MTCH1: variants seen among roughly 807,000 people sequenced by gnomAD.
The protein encoded by MTCH1 is mitochondrial carrier 1.
A neutral mutation model predicts 49.3 loss-of-function variants in MTCH1; 23 were observed. That is an observed-to-expected ratio of 0.47 (90% confidence interval 0.34 to 0.66). The LOEUF is 0.66. Ranked by LOEUF, MTCH1 falls within the 30% of genes least tolerant of loss-of-function variation. The pLI is 0.01. For synonymous variants in MTCH1, 229 were observed against 215.2 expected, an observed-to-expected ratio of 1.06 and a Z score of -0.56; for missense variants, 397 against 532.1, an observed-to-expected ratio of 0.75 and a Z score of 2.50.
At chr6:36,981,501 G>A in intron 2 of MTCH1, 87 bp downstream of exon 2, 1 of 1,262,024 alleles carries the variant, frequency 7.9e-7, no homozygotes, top group Non-Finnish European at 1.1e-6. Flanking sequence ...GCTGCGCAGT[G>A]AGTTCCCCGG....
At position 36,968,833 on chromosome 6, in the gene MTCH1, A is replaced by AC; in HGVS notation, c.*69_*70insG. ...TGTTGTTGGGTTGGAGTCGTCTTGC[A>AC]GGTGTCCCAAGGTGGTCAGGCCTCA... On this transcript the variant is annotated 3_prime_UTR_variant, in exon 12 of 12. Coordinates refer to ENST00000373627, the MANE Select transcript of MTCH1 (RefSeq NM_001271641.2). The AC allele has an allele frequency of 6.2e-7, 1 of 1,608,006 alleles. No homozygotes were observed. The highest frequency in any genetic ancestry group is 8.5e-7 in the Non-Finnish European group (1 of 1,175,588).
At position 36,972,484 on chromosome 6, in the gene MTCH1, G is replaced by A. The variant is rs558598503; in HGVS notation, c.906+168C>T. Among the ~76,000 whole-genome samples, 12 of 152,196 alleles carry A rather than the reference G, an allele frequency of 7.9e-5. No homozygotes were observed. Among genetic ancestry groups the A allele is most frequent in the Middle Eastern group, 3.4e-3 (1 of 294 alleles). On this transcript the variant is annotated intron_variant, in intron 8 of 11. Coordinates refer to ENST00000373627, the MANE Select transcript of MTCH1 (RefSeq NM_001271641.2). This position sits in a 1 kb window ranked among gnomAD's most constrained non-coding sequence, Gnocchi z 4.1. ...GGTCTGGGTACTAATCTGGAATCTC[G>A]CCTCTTGAGGCCGTTCTCCCCTTAG... is the stretch of plus-strand genomic sequence containing the variant.
At chr6:36,970,184 G>C in intron 10 of MTCH1, 70 bp from the exon 11 acceptor site, 1 of 1,545,102 alleles carries the variant, frequency 6.5e-7, no homozygotes, top group Admixed American at 1.7e-5. Flanking sequence ...GCCACTTCAA[G>C]AAGGAATGCC....
chr6:36,968,154 T>C lies in MTCH1; in HGVS notation c.*749A>G, dbSNP rs1763546144. The C allele has an allele frequency of 6.5e-6, 1 of 152,808 alleles. No homozygotes were observed. The highest frequency in any genetic ancestry group is 1.5e-5 in the Non-Finnish European group (1 of 68,518). The allele number at this position is 152,808 out of a possible 1,614,324, so 9.5% of individuals were successfully genotyped here. A position where few individuals can be genotyped will look rare whatever the true frequency, so the allele number is the denominator to read the frequency against. ...CCCACAAAAAACTCCAAATCACCAA[T>C]ACATTTATTTGCGGGAGATGAGGTC... On this transcript the variant is annotated 3_prime_UTR_variant, in exon 12 of 12. Coordinates refer to ENST00000373627, the MANE Select transcript of MTCH1 (RefSeq NM_001271641.2).
chr6:36,970,902 C>G, intron 8 of MTCH1: 1 of 628,836 alleles, frequency 1.6e-6, no homozygotes, highest in Non-Finnish European at 2.8e-6. Context: ...GAGAAGGAGA[C>G]CCGGTAAGAG....
At chr6:36,986,327 C>G (rs1764320767), upstream of MTCH1, 11 of 666,740 alleles carry the variant, frequency 1.6e-5, no homozygotes, top group Middle Eastern at 4.8e-4. Context: ...GCTCCCCGGC[C>G]GGTTGGAGGC....
chr6:36,983,636 G>A (rs558485409), intron 1 of MTCH1, among the ~76,000 whole-genome samples: 67 of 152,122 alleles, frequency 4.4e-4, no homozygotes, highest in African/African-American at 1.5e-3. Flanking sequence ...TCCTAACTAC[G>A]GCAAATGCTG....
intron 6 of MTCH1, among the ~76,000 whole-genome samples, chr6:36,976,820 A>T (rs1360669263): frequency 6.6e-6 from 1 of 152,178 alleles, no homozygotes; most frequent in African/African-American, 2.4e-5. Context: ...AGGGGATAAA[A>T]AGAGCTATCA....
chr6:36,986,246 C>T (rs142461260), upstream of MTCH1: 50 of 1,306,146 alleles, frequency 3.8e-5, no homozygotes, highest in Non-Finnish European at 4.7e-5. Flanking sequence ...GGGGGCGGGG[C>T]CGGGGCGCAC....
chr6:36,974,648 G>A (rs1265875769), intron 7 of MTCH1, among the ~76,000 whole-genome samples: 1 of 152,148 alleles, frequency 6.6e-6, no homozygotes, highest in Non-Finnish European at 1.5e-5. Context: ...TCCGGACACT[G>A]CCGATGTTCC....
chr6:36,972,935 T>C lies in MTCH1; in HGVS notation c.762-139A>G. 4.7e-6 allele frequency: 4 copies of C among 851,106 alleles called. No individual in the cohort carries two copies. Among genetic ancestry groups the C allele is most frequent in the Non-Finnish European group, 7.3e-6 (4 of 550,534 alleles). The allele number at this position is 851,106 out of a possible 1,614,324, so 52.7% of individuals were successfully genotyped here. A position where few individuals can be genotyped will look rare whatever the true frequency, so the allele number is the denominator to read the frequency against. Reference sequence around the variant, plus strand: ...ATGGCACAGCCTTAGAAAGGAGGCCTGCAGGGTCCAGCAGCTATGCACACT... The same window carrying C: ...ATGGCACAGCCTTAGAAAGGAGGCCCGCAGGGTCCAGCAGCTATGCACACT... On this transcript the variant is annotated intron_variant, in intron 7 of 11. Transcript: ENST00000373627. The surrounding 1 kb of genome is among the most constrained non-coding windows in gnomAD (Gnocchi z 4.1).
Position 36,986,091 on chromosome 6 carries a change from G to A in MTCH1, c.83C>T (p.Ala28Val). 7.0e-7 allele frequency: 1 copy of A among 1,433,846 alleles called. No individual in the cohort carries two copies. The highest frequency in any genetic ancestry group is 9.0e-7 in the Non-Finnish European group (1 of 1,105,224). 88.8% of individuals were successfully genotyped at this position (1,433,846 alleles called of 1,614,324 possible). A position where few individuals can be genotyped will look rare whatever the true frequency, so the allele number is the denominator to read the frequency against. ...GACCCCCGCCGCCGCTCCGCCGCGA[G>A]CTCCGGCTCCAGCTCCGGCTCCCGC... ...GMAGAGAGAG[A>V]RGGAAAGVEA... Residue 28 changes from alanine (A) to valine (V), a missense_variant, in exon 1 of 12, where the codon GCT becomes GTT. Around this residue, in one of 2 missense-constraint regions of MTCH1, gnomAD observed 145 missense variants for 143.8 expected, o/e 1.01. Transcript: ENST00000373627.
rs901630279 is a variant in MTCH1, at chr6:36,978,719, A to T, written c.407-108T>A. 2.0e-5 allele frequency: 18 copies of T among 881,602 alleles called. No individual in the cohort carries two copies. The African/African-American group carries it at 3.0e-4, about 15-fold the overall frequency. 54.6% of individuals were successfully genotyped at this position (881,602 alleles called of 1,614,324 possible). Reference sequence around the variant, plus strand: ...CGGCTTGTCCTTCAGGTAACTGCTGACTACAGGCACAGAAGGTAACATCTG... The same window carrying T: ...CGGCTTGTCCTTCAGGTAACTGCTGTCTACAGGCACAGAAGGTAACATCTG... On this transcript the variant is annotated intron_variant, in intron 2 of 11. Coordinates refer to ENST00000373627, the MANE Select transcript of MTCH1 (RefSeq NM_001271641.2).
chr6:36,977,890 C>T lies in MTCH1; in HGVS notation c.591+188G>A, dbSNP rs761758488. Among the ~76,000 whole-genome samples the T allele has an allele frequency of 2.9e-4, 44 of 152,188 alleles. No homozygotes were observed. Among genetic ancestry groups the T allele is most frequent in the Non-Finnish European group, 4.3e-4 (29 of 68,038 alleles). ...GTGCTGTCGGGTCCCAGGCTAGGCCCAACAATGGCTGAGAAGGCTTTCCGG... is the reference window on the plus strand; with the variant it reads ...GTGCTGTCGGGTCCCAGGCTAGGCCTAACAATGGCTGAGAAGGCTTTCCGG... On this transcript the variant is annotated intron_variant, in intron 4 of 11. Coordinates refer to ENST00000373627, the MANE Select transcript of MTCH1 (RefSeq NM_001271641.2). The surrounding 1 kb of genome is among the most constrained non-coding windows in gnomAD (Gnocchi z 5.4).
intron 6 of MTCH1, among the ~76,000 whole-genome samples, chr6:36,976,869 G>A (rs536189097): frequency 2.0e-5 from 3 of 152,140 alleles, no homozygotes; most frequent in Non-Finnish European, 4.4e-5. Flanking sequence ...GCATTACTTC[G>A]GGAGTCCAAA....
At chr6:36,971,731 C>T (rs1205311167) in intron 8 of MTCH1, among the ~76,000 whole-genome samples, 3 of 152,200 alleles carry the variant, frequency 2.0e-5, no homozygotes, top group Non-Finnish European at 4.4e-5. Flanking sequence ...ACCCCCTTCC[C>T]ACCCAGGTGA....
rs372766696 is a variant in MTCH1 at position 36,977,592 on chromosome 6, C to A, written c.649+42G>T. ...GGCGCCCCTCACCCCACGCCCCCGA[C>A]GCCAGCTTAGATACAGTCTCGGGGG... is the stretch of plus-strand genomic sequence containing the variant. On this transcript the variant is annotated intron_variant, in intron 5 of 11. Coordinates refer to ENST00000373627, the MANE Select transcript of MTCH1 (RefSeq NM_001271641.2). The surrounding 1 kb of genome is among the most constrained non-coding windows in gnomAD (Gnocchi z 5.4). 2 of 1,466,114 alleles carry A rather than the reference C, an allele frequency of 1.4e-6. No individual in the cohort carries two copies. The highest frequency in any genetic ancestry group is 1.9e-6 in the Non-Finnish European group (2 of 1,059,530). The allele number at this position is 1,466,114 out of a possible 1,614,324, so 90.8% of individuals were successfully genotyped here. A position where few individuals can be genotyped will look rare whatever the true frequency, so the allele number is the denominator to read the frequency against.
intron 8 of MTCH1, among the ~76,000 whole-genome samples, chr6:36,971,389 G>T (rs1425872473): frequency 6.6e-6 from 1 of 152,004 alleles, no homozygotes; most frequent in African/African-American, 2.4e-5. Context: ...ATGTAAGCAC[G>T]GCAGCCTCTG....
intron 11 of MTCH1, chr6:36,969,689 C>T (rs1234438418): frequency 9.7e-5 from 117 of 1,210,864 alleles, no homozygotes; most frequent in Non-Finnish European, 1.2e-4. Context: ...TTACAGACCT[C>T]GAATTTTCAG....
Sources: gnomAD v4.1 joint callset for allele counts (sites outside exome capture counted in the v4.1 genomes callset) on GRCh38, gnomAD v4.1.1 for gene constraint, gnomAD v4.1.1 regional missense constraint, Gnocchi (gnomAD v3.1) non-coding constraint, MANE v1.5 for transcripts, NCBI Gene and HGNC (gene_info 2026-07-23, HGNC 2026-07-21) for gene names.